Variants in MCUB observed in about 807,000 individuals in gnomAD.
The protein encoded by MCUB is mitochondrial calcium uniporter dominant negative subunit beta, also known as calcium uniporter regulatory subunit MCUb, mitochondrial.
In MCUB, 46 loss-of-function variants were observed where a neutral mutation model predicts 41.4. The ratio of observed to expected loss-of-function variants is 1.11; its 90% CI spans 0.88 to 1.42. MCUB has a LOEUF of 1.42. MCUB is among the 40% of genes most tolerant of loss of function. The pLI, the probability that MCUB is intolerant of heterozygous loss-of-function variation, is 0.00. For synonymous variants in MCUB, 148 were observed against 148.2 expected, an observed-to-expected ratio of 1.00 and a Z score of 0.01; for missense variants, 403 against 404.9, an observed-to-expected ratio of 1.00 and a Z score of 0.04.
chr4:109,650,209 C>T (rs938883486), intron 1 of MCUB, among the ~76,000 whole-genome samples: 1 of 152,086 alleles, frequency 6.6e-6, no homozygotes, highest in African/African-American at 2.4e-5. Flanking sequence ...AATAATAACC[C>T]TCTAAAAAGG....
At chr4:109,680,582 C>T (rs554485333) in intron 4 of MCUB, among the ~76,000 whole-genome samples, 14 of 151,314 alleles carry the variant, frequency 9.3e-5, no homozygotes, top group African/African-American at 3.4e-4. Context: ...AACAAAAGGA[C>T]TCTGACTCTT....
intron 1 of MCUB, among the ~76,000 whole-genome samples, chr4:109,626,992 T>C (rs10017233): frequency 0.48 from 73,582 of 151,950 alleles, 18,585 homozygotes; most frequent in South Asian, 0.62. Flanking sequence ...TTGTTCAACA[T>C]TAAGGGGTAA....
At chr4:109,683,278 C>T (rs912839412) in intron 5 of MCUB, 3 of 152,138 alleles carry the variant, frequency 2.0e-5, no homozygotes, top group Admixed American at 6.6e-5. Context: ...ACTTATAATC[C>T]CATTTGTGGT....
chr4:109,599,652 A>G (rs1727681235), intron 1 of MCUB, among the ~76,000 whole-genome samples: 1 of 151,588 alleles, frequency 6.6e-6, no homozygotes, highest in Non-Finnish European at 1.5e-5. Context: ...TATACCTTTT[A>G]TTAAAATCAT....
At chr4:109,592,267 G>T (rs922063525) in intron 1 of MCUB, among the ~76,000 whole-genome samples, 11 of 151,650 alleles carry the variant, frequency 7.3e-5, no homozygotes, top group African/African-American at 2.7e-4. Context: ...AAAATTAGCC[G>T]GGTATGGTGG....
intron 1 of MCUB, among the ~76,000 whole-genome samples, chr4:109,644,906 C>G (rs1278253218): frequency 6.6e-6 from 1 of 151,794 alleles, no homozygotes; most frequent in Admixed American, 6.6e-5. Context: ...TTTCATGTTG[C>G]TTTTCTCAAC....
At chr4:109,610,953 A>G (rs1727995796) in intron 1 of MCUB, among the ~76,000 whole-genome samples, 1 of 152,212 alleles carries the variant, frequency 6.6e-6, no homozygotes, top group Non-Finnish European at 1.5e-5. Context: ...GATGAGAATC[A>G]ATGGAAATTT....
intron 1 of MCUB, among the ~76,000 whole-genome samples, chr4:109,599,470 A>G (rs1184477037): frequency 5.9e-5 from 9 of 152,014 alleles, no homozygotes; most frequent in Admixed American, 5.9e-4. Flanking sequence ...TGAGGCCTTT[A>G]TACTTCAGTA....
At chr4:109,652,679 C>T (rs560480827) in intron 1 of MCUB, among the ~76,000 whole-genome samples, 1 of 152,266 alleles carries the variant, frequency 6.6e-6, no homozygotes, top group African/African-American at 2.4e-5. Flanking sequence ...ATGACCTAAG[C>T]ACCTCCCATT....
Position 109,560,282 on chromosome 4 carries a change from G to A in MCUB, c.-56G>A. On this transcript the variant is annotated 5_prime_UTR_variant, in exon 1 of 8. Coordinates refer to ENST00000394650, the MANE Select transcript of MCUB (RefSeq NM_017918.5). ...CCACCAGGCGCTGACGAGGAGCCCG[G>A]CTGAGGGAGGATGCGCCGCTGACGC... The A allele has an allele frequency of 1.1e-6, 1 of 914,566 alleles. No homozygotes were observed. The highest frequency in any genetic ancestry group is 1.4e-6 in the Non-Finnish European group (1 of 696,966). The allele number at this position is 914,566 out of a possible 1,614,324, so 56.7% of individuals were successfully genotyped here.
At chr4:109,626,013 C>T (rs1728352356) in intron 1 of MCUB, among the ~76,000 whole-genome samples, 2 of 152,150 alleles carry the variant, frequency 1.3e-5, no homozygotes, top group Admixed American at 6.6e-5. Flanking sequence ...TTTCTATCAT[C>T]ATTTTAGTTA....
intron 3 of MCUB, 138 bp from the exon 4 acceptor site, chr4:109,664,152 T>C (rs552274197): frequency 1.1e-5 from 7 of 628,294 alleles, no homozygotes; most frequent in Admixed American, 8.3e-5. Flanking sequence ...AGTGTTTGGG[T>C]TTGGGGACAC....
rs150814409 is a variant in MCUB at position 109,589,780 on chromosome 4, G to A, written c.99+29344G>A. Among the ~76,000 whole-genome samples, 9 of 152,306 alleles carry A rather than the reference G, an allele frequency of 5.9e-5. No individual in the cohort carries two copies. The East Asian group carries it at 1.7e-3, about 29-fold the overall frequency. On this transcript the variant is annotated intron_variant, in intron 1 of 7. Transcript: ENST00000394650. ...GTTTACTGTTGTATCCTCAGGGGGT[G>A]GCAGGTTGCCTGGCACAGAGTGGGT...
intron 1 of MCUB, among the ~76,000 whole-genome samples, chr4:109,627,185 C>T (rs1383057364): frequency 6.6e-6 from 1 of 151,956 alleles, no homozygotes. Context: ...CCTCAATATA[C>T]TTTATGCCCA....
intron 1 of MCUB, chr4:109,648,644 C>G (rs1561240143): frequency 2.3e-6 from 1 of 439,358 alleles, no homozygotes; most frequent in East Asian, 7.1e-5. Context: ...ATACATAGAT[C>G]TAGAGGCAAG....
At chr4:109,569,236 C>T (rs971287509) in intron 1 of MCUB, among the ~76,000 whole-genome samples, 9 of 151,416 alleles carry the variant, frequency 5.9e-5, no homozygotes, top group East Asian at 4.0e-4. Flanking sequence ...TTAGTAGAGA[C>T]GGGGTTTCAC....
At chr4:109,664,168 A>T (rs1199619767) in intron 3 of MCUB, 122 bp from the exon 4 acceptor site, 1 of 648,636 alleles carries the variant, frequency 1.5e-6, no homozygotes, top group Non-Finnish European at 2.8e-6. Context: ...GACACCCCCC[A>T]CAAAAGTAAA....
chr4:109,624,367 G>A (rs1289123387), intron 1 of MCUB, among the ~76,000 whole-genome samples: 2 of 152,152 alleles, frequency 1.3e-5, no homozygotes, highest in African/African-American at 4.8e-5. Flanking sequence ...CTAGAGTTCT[G>A]GAAAAGTTTT....
intron 4 of MCUB, among the ~76,000 whole-genome samples, chr4:109,678,044 A>G (rs1419055840): frequency 6.6e-6 from 1 of 151,970 alleles, no homozygotes; most frequent in East Asian, 1.9e-4. Flanking sequence ...GCCTTCAGGC[A>G]TCTGTTTAAC....
Sources: allele counts gnomAD v4.1 joint callset (sites outside exome capture counted in the v4.1 genomes callset), GRCh38; gene constraint gnomAD v4.1.1; transcripts MANE v1.5; gene names NCBI Gene and HGNC (gene_info 2026-07-23, HGNC 2026-07-21).